TMEM94: variants seen among roughly 807,000 people sequenced by gnomAD.
TMEM94 encodes the protein ER Mg2+ ATPase.
In TMEM94, 81 loss-of-function variants were observed where a neutral mutation model predicts 158.6. The observed-to-expected ratio is 0.51, with a 90% confidence interval of 0.43 to 0.61. The LOEUF is 0.61. TMEM94 is among the 20% of genes least tolerant of loss of function. TMEM94 has a pLI of 0.00. For missense variants in TMEM94, 1,435 were observed against 1,762.0 expected, an observed-to-expected ratio of 0.81 and a Z score of 3.32; for synonymous variants, 751 against 730.7, an observed-to-expected ratio of 1.03 and a Z score of -0.45.
At chr17:75,481,504 G>A (rs2051157396) in intron 2 of TMEM94, among the ~76,000 whole-genome samples, 1 of 152,238 alleles carries the variant, frequency 6.6e-6, no homozygotes, top group East Asian at 1.9e-4. Context: ...GCTGTGGCAG[G>A]GGGCAGCATC....
chr17:75,470,720 T>G (rs1311520547), intron 1 of TMEM94, among the ~76,000 whole-genome samples: 1 of 114,838 alleles, frequency 8.7e-6, no homozygotes, highest in Admixed American at 8.9e-5. Flanking sequence ...AAAAAAAAAG[T>G]CCAGCCTGAC....
chr17:75,468,176 C>A, intron 1 of TMEM94, among the ~76,000 whole-genome samples: 1 of 152,124 alleles, frequency 6.6e-6, no homozygotes. Context: ...GGGCTAGGAG[C>A]AGAACTGGCC....
At chr17:75,458,220 A>AC (rs2145946446) in intron 1 of TMEM94, among the ~76,000 whole-genome samples, 1 of 152,266 alleles carries the variant, frequency 6.6e-6, no homozygotes, top group African/African-American at 2.4e-5. Context: ...GCATACAGGA[A>AC]CAGCGTGGAG....
In TMEM94 at chr17:75,492,608, G is replaced by A. The variant is rs2052307990; in HGVS notation, c.1731G>A (p.Leu577=). The stretch of plus-strand genomic sequence containing the variant: ...AGTTTGATGACTCCAACTGGCAGCT[G>A]CACCTCACCTCCCTCAAACCCCTGG... ...CIQFDDSNWQ[L]HLTSLKPLGL... is the part of the protein sequence containing the mutation. The change falls in exon 15 of 32, where the codon CTG becomes CTA. Residue 577 remains leucine (L), a synonymous_variant. Transcript: ENST00000314256. The surrounding 1 kb of genome is among the most constrained non-coding windows in gnomAD (Gnocchi z 4.4). 6.2e-7 allele frequency: 1 copy of A among 1,614,076 alleles called. No individual in the cohort carries two copies. The highest frequency in any genetic ancestry group is 8.5e-7 in the Non-Finnish European group (1 of 1,180,018).
rs1018720317 is a variant in TMEM94, at chr17:75,499,765, G to A, written c.*431G>A. The A allele has an allele frequency of 2.9e-5, 5 of 172,466 alleles. No homozygotes were observed. Among genetic ancestry groups the A allele is most frequent in the Non-Finnish European group, 6.3e-5 (5 of 79,420 alleles). The allele number at this position is 172,466 out of a possible 1,614,324, so 10.7% of individuals were successfully genotyped here. On this transcript the variant is annotated 3_prime_UTR_variant, in exon 32 of 32. Transcript: ENST00000314256. ...CAACAGCAGCAGCCTTGGCCGACGC[G>A]TCCAACTCCCAAGGCTGCCGTGGAG...
chr17:75,493,211 A>T, intron 16 of TMEM94, 109 bp downstream of exon 16: 1 of 1,204,470 alleles, frequency 8.3e-7, no homozygotes, highest in Admixed American at 2.5e-5. Context: ...GATGAAAAGT[A>T]GACTGCTTCC....
intron 27 of TMEM94, 59 bp downstream of exon 27, chr17:75,497,921 G>C: frequency 6.6e-7 from 1 of 1,503,774 alleles, no homozygotes; most frequent in Non-Finnish European, 9.2e-7. Flanking sequence ...TGAGGATTGG[G>C]GGAGGAGAGA....
At chr17:75,471,699 G>A in intron 1 of TMEM94, 101 bp from the exon 2 acceptor site, 1 of 514,228 alleles carries the variant, frequency 1.9e-6, no homozygotes, top group Non-Finnish European at 3.5e-6. Flanking sequence ...GGGCGACAGA[G>A]TGAGACTCCG....
intron 2 of TMEM94, among the ~76,000 whole-genome samples, chr17:75,483,778 A>G (rs1397021317): frequency 6.6e-6 from 1 of 152,056 alleles, no homozygotes; most frequent in African/African-American, 2.4e-5. Context: ...TTTTGGACAC[A>G]TTGACTCCTA....
In TMEM94 at chr17:75,492,059, A is replaced by G. The variant is rs2052248170; in HGVS notation, c.1596+159A>G. ...CCAGTGGTCCCTGAGGCCCTCCCCA[A>G]GTCTGCTGCGAAGTAGGTGGAGCCT... On this transcript the variant is annotated intron_variant, in intron 14 of 31. Transcript: ENST00000314256. This position sits in a 1 kb window ranked among gnomAD's most constrained non-coding sequence, Gnocchi z 4.4. 1.2e-6 allele frequency: 1 copy of G among 822,578 alleles called. No individual in the cohort carries two copies. Among genetic ancestry groups the G allele is most frequent in the Non-Finnish European group, 1.9e-6 (1 of 529,552 alleles). The allele number at this position is 822,578 out of a possible 1,614,324, so 51.0% of individuals were successfully genotyped here. A position where few individuals can be genotyped will look rare whatever the true frequency, so the allele number is the denominator to read the frequency against.
At chr17:75,494,867 G>GT (rs780548785) in intron 19 of TMEM94, 29 bp from the exon 20 acceptor site, 540 of 1,613,056 alleles carry the variant, frequency 3.3e-4, no homozygotes, top group Non-Finnish European at 4.5e-4. Flanking sequence ...TTTTGGGCCC[G>GT]TATGTTCATG....
chr17:75,495,305 G>C lies in TMEM94; in HGVS notation c.2750G>C (p.Gly917Ala), dbSNP rs1313583794. 5 of 1,610,820 alleles carry C rather than the reference G, an allele frequency of 3.1e-6. No homozygotes were observed. The South Asian group carries it at 5.5e-5, about 18-fold the overall frequency. Residue 917 changes from glycine to alanine, a missense_variant, in exon 21 of 32, where the codon GGG becomes GCG. Around this residue, in one of 3 missense-constraint regions of TMEM94, gnomAD observed 1,051 missense variants for 1,254.4 expected, o/e 0.84. Coordinates refer to ENST00000314256, the MANE Select transcript of TMEM94 (RefSeq NM_014738.6). This position sits in a 1 kb window ranked among gnomAD's most constrained non-coding sequence, Gnocchi z 5.6. The part of the protein sequence containing the change: ...LNQVSRDDAE[G>A]LLLMEEEGHS... ...ACAGTGTCCCGAGATGATGCAGAAGGGCTCCTCCTCATGGAGGAGGAGGGC... is the reference window on the plus strand; with the variant it reads ...ACAGTGTCCCGAGATGATGCAGAAGCGCTCCTCCTCATGGAGGAGGAGGGC...
chr17:75,485,991 G>C lies in TMEM94; in HGVS notation c.265G>C (p.Ala89Pro). ...LLLGCCGGQPAGSRGVGLVNA... is the reference protein window; with the variant it reads ...LLLGCCGGQPPGSRGVGLVNA... ...GCTGGGCTGCTGCGGGGGACAGCCA[G>C]CCGGGAGGTGTGCGCCCAGGGGCTG... is the stretch of plus-strand genomic sequence containing the variant. The change falls in exon 4 of 32, where the codon GCC becomes CCC. Residue 89 changes from alanine to proline, a missense_variant. This residue lies in a region of TMEM94 where 1,051 missense variants were observed against 1,254.4 expected (regional missense o/e 0.84). Transcript: ENST00000314256. This position sits in a 1 kb window ranked among gnomAD's most constrained non-coding sequence, Gnocchi z 5.5. 1 of 1,607,440 alleles carries C rather than the reference G, an allele frequency of 6.2e-7. No individual in the cohort carries two copies. Among genetic ancestry groups the C allele is most frequent in the Non-Finnish European group, 8.5e-7 (1 of 1,178,020 alleles).
chr17:75,480,267 G>T (rs954594849), intron 2 of TMEM94, among the ~76,000 whole-genome samples: 16 of 152,228 alleles, frequency 1.1e-4, no homozygotes, highest in African/African-American at 3.9e-4. Context: ...GCTGGCCTGT[G>T]CGGGCAAGAG....
intron 1 of TMEM94, among the ~76,000 whole-genome samples, chr17:75,467,579 G>T (rs1298241182): frequency 7.7e-6 from 1 of 129,678 alleles, no homozygotes; most frequent in East Asian, 2.2e-4. Flanking sequence ...AGGCCGGACT[G>T]CGGACTGCAG....
At chr17:75,472,834 C>T (rs79514516) in intron 2 of TMEM94, among the ~76,000 whole-genome samples, 5,530 of 152,298 alleles carry the variant, frequency 0.036, 124 homozygotes, top group Middle Eastern at 0.11. Context: ...TGCTTCCCAC[C>T]CCTTTTTCTG....
chr17:75,490,152 C>A, intron 9 of TMEM94, 82 bp from the exon 10 acceptor site: 2 of 1,551,016 alleles, frequency 1.3e-6, no homozygotes, highest in Non-Finnish European at 1.7e-6. Flanking sequence ...AGGGAATGGC[C>A]GTGGGGCCAG....
chr17:75,495,513 C>A lies in TMEM94; in HGVS notation c.2845-31C>A. On this transcript the variant is annotated intron_variant, in intron 21 of 31. Transcript: ENST00000314256. The surrounding 1 kb of genome is among the most constrained non-coding windows in gnomAD (Gnocchi z 5.6). ...GAGGGGAGGGATGCTGATCCCCATCCCGAAGCCGCTGGCATCTCTGCTTTC... is the reference window on the plus strand; with the variant it reads ...GAGGGGAGGGATGCTGATCCCCATCACGAAGCCGCTGGCATCTCTGCTTTC... The A allele has an allele frequency of 6.2e-7, 1 of 1,610,206 alleles. No homozygotes were observed. Among genetic ancestry groups the A allele is most frequent in the South Asian group, 1.1e-5 (1 of 90,866 alleles).
chr17:75,491,807 A>G lies in TMEM94; in HGVS notation c.1503A>G (p.Ser501=), dbSNP rs534370548. 38 of 1,613,990 alleles carry G rather than the reference A, an allele frequency of 2.4e-5. 1 individual carries two copies. In the South Asian group the frequency reaches 3.8e-4, roughly 16 times the overall value. Residue 501 remains serine, a synonymous_variant, in exon 14 of 32, where the codon TCA becomes TCG. Coordinates refer to ENST00000314256, the MANE Select transcript of TMEM94 (RefSeq NM_014738.6). This position sits in a 1 kb window ranked among gnomAD's most constrained non-coding sequence, Gnocchi z 5.1. ...CTCCCAAGCCCCCCGAGCCCTATTC[A>G]CACCACAAAGCGCATGGCCGCAGCA... ...GEAPKPPEPY[S]HHKAHGRSKH...
Sources: allele counts gnomAD v4.1 joint callset (sites outside exome capture counted in the v4.1 genomes callset), GRCh38; gene constraint gnomAD v4.1.1; regional missense constraint gnomAD v4.1.1; non-coding constraint Gnocchi (gnomAD v3.1); transcripts MANE v1.5; gene names NCBI Gene and HGNC (gene_info 2026-07-23, HGNC 2026-07-21).